VWA8: variants seen among roughly 807,000 people sequenced by gnomAD.
VWA8 encodes von Willebrand factor A domain-containing protein 8.
In VWA8, 221 loss-of-function variants were observed where a neutral mutation model predicts 241.5. The ratio of observed to expected loss-of-function variants is 0.91; its 90% CI spans 0.82 to 1.02. The LOEUF is 1.02. Among genes scored for constraint, VWA8 ranks in the 50% least tolerant of loss-of-function variants. The probability of loss-of-function intolerance (pLI) is 0.00; values close to 1 mark genes in which losing one functional copy is unlikely to be tolerated. For synonymous variants in VWA8, 852 were observed against 827.1 expected, an observed-to-expected ratio of 1.03 and a Z score of -0.52; for missense variants, 2,322 against 2,328.7, an observed-to-expected ratio of 1.00 and a Z score of 0.06.
At chr13:41,587,784 C>A in intron 41 of VWA8, 114 bp from the exon 42 acceptor site, 1 of 1,290,912 alleles carries the variant, frequency 7.7e-7, no homozygotes. Flanking sequence ...GGCAGACCAG[C>A]CATAGGCTCA....
At chr13:41,826,093 T>C (rs974512189) in intron 14 of VWA8, among the ~76,000 whole-genome samples, 5 of 152,148 alleles carry the variant, frequency 3.3e-5, no homozygotes, top group African/African-American at 1.2e-4. Context: ...ATATTTATTT[T>C]CAGAAAGACA....
At position 41,810,445 on chromosome 13, in the gene VWA8, AGAAT is replaced by A. The variant is rs1237383542; in HGVS notation, c.2063+776_2063+779del. The stretch of plus-strand genomic sequence containing the variant: ...ATAGAGTACTGTTCAGCCATAAAAA[AGAAT>A]GAATGAAGTTCTGTCATTTGCAACA... On this transcript the variant is annotated intron_variant, in intron 17 of 44. Transcript: ENST00000379310. Among the ~76,000 whole-genome samples the A allele has an allele frequency of 3.3e-5, 5 of 152,326 alleles. No individual in the cohort carries two copies. In the East Asian group the frequency reaches 5.8e-4, roughly 18 times the overall value.
At chr13:41,844,837 A>C (rs1357881423) in intron 12 of VWA8, among the ~76,000 whole-genome samples, 4 of 152,178 alleles carry the variant, frequency 2.6e-5, no homozygotes, top group Non-Finnish European at 5.9e-5. Flanking sequence ...AATACATGTA[A>C]AAAAGGAGGT....
intron 2 of VWA8, among the ~76,000 whole-genome samples, chr13:41,947,038 A>T (rs1203383584): frequency 6.6e-6 from 1 of 152,152 alleles, no homozygotes; most frequent in African/African-American, 2.4e-5. Context: ...GCTTAGCCAG[A>T]ATCTCCCTTA....
intron 14 of VWA8, among the ~76,000 whole-genome samples, chr13:41,828,746 T>C (rs1871288922): frequency 6.6e-6 from 1 of 152,176 alleles, no homozygotes; most frequent in African/African-American, 2.4e-5. Flanking sequence ...ATGCATCTCA[T>C]AAGAATAGGA....
intron 17 of VWA8, among the ~76,000 whole-genome samples, chr13:41,800,652 G>A (rs1002392333): frequency 6.6e-6 from 1 of 151,726 alleles, no homozygotes; most frequent in Non-Finnish European, 1.5e-5. Flanking sequence ...AATCAGCCGG[G>A]TGTGGTGATG....
At chr13:41,655,636 CTAT>C (rs1443744101) in intron 37 of VWA8, among the ~76,000 whole-genome samples, 1 of 151,640 alleles carries the variant, frequency 6.6e-6, no homozygotes, top group Non-Finnish European at 1.5e-5. Flanking sequence ...GTTTTTTTTC[CTAT>C]TATTTTTATC....
Position 41,894,958 on chromosome 13 carries a change from TG to T in VWA8, c.484-3372del, listed in dbSNP as rs1875024853. 2.6e-5 allele frequency among the ~76,000 whole-genome samples: 4 copies of T among 152,124 alleles called. No individual in the cohort carries two copies. In the South Asian group the frequency reaches 8.3e-4, roughly 32 times the overall value. On this transcript the variant is annotated intron_variant, in intron 4 of 44. Coordinates refer to ENST00000379310, the MANE Select transcript of VWA8 (RefSeq NM_015058.2). ...TGAGGAGGAAAAAGGAGATGGCTGC[TG>T]CAGGGACTTGGTTGGGGACCGTGTG...
chr13:41,851,802 C>T (rs1277850938), intron 12 of VWA8, among the ~76,000 whole-genome samples: 2 of 152,162 alleles, frequency 1.3e-5, no homozygotes, highest in African/African-American at 4.8e-5. Context: ...ATAATTCATT[C>T]TGTATATACT....
chr13:41,581,961 T>C (rs912305388), intron 42 of VWA8, among the ~76,000 whole-genome samples: 15 of 152,172 alleles, frequency 9.9e-5, no homozygotes, highest in Admixed American at 5.9e-4. Flanking sequence ...AGACAACGGT[T>C]CACAAAAACA....
At chr13:41,729,798 G>GACACACACACATACACACACAC (rs2045467213) in intron 22 of VWA8, 121 bp from the exon 23 acceptor site, 1 of 425,970 alleles carries the variant, frequency 2.3e-6, no homozygotes, top group Non-Finnish European at 4.2e-6. Context: ...TATACACGTA[G>GACACACACACATACACACACAC]ACACACACAC....
At chr13:41,653,330 C>G (rs1456665171) in intron 37 of VWA8, among the ~76,000 whole-genome samples, 3 of 152,024 alleles carry the variant, frequency 2.0e-5, no homozygotes, top group Non-Finnish European at 1.5e-5. Flanking sequence ...AATAAAATAC[C>G]TAAGAATACA....
intron 29 of VWA8, chr13:41,695,944 TGTAAATTTGACA>T (rs1347223858): frequency 6.6e-6 from 1 of 152,248 alleles, no homozygotes; most frequent in Non-Finnish European, 1.5e-5. Context: ...AATTTGTGTA[TGTAAATTTGACA>T]GTTAATTTGA....
chr13:41,619,502 C>T (rs1434468869), intron 37 of VWA8, among the ~76,000 whole-genome samples: 2 of 152,192 alleles, frequency 1.3e-5, no homozygotes. Context: ...ACTTCCAACA[C>T]TATGTTGAAT....
intron 17 of VWA8, among the ~76,000 whole-genome samples, chr13:41,788,985 A>G (rs561099671): frequency 7.9e-5 from 12 of 152,250 alleles, no homozygotes; most frequent in Non-Finnish European, 1.5e-4. Context: ...CCCTTCACCA[A>G]TATTGGCAGG....
chr13:41,586,899 C>G (rs1002191535), intron 42 of VWA8, among the ~76,000 whole-genome samples: 1 of 152,132 alleles, frequency 6.6e-6, no homozygotes, highest in Non-Finnish European at 1.5e-5. Flanking sequence ...AGTGCAGGTG[C>G]TCTCTGTGGC....
Position 41,605,174 on chromosome 13 carries a change from A to T in VWA8, c.4980T>A (p.Asn1660Lys). 1 of 1,612,898 alleles carries T rather than the reference A, an allele frequency of 6.2e-7. No individual in the cohort carries two copies. Among genetic ancestry groups the T allele is most frequent in the Non-Finnish European group, 8.5e-7 (1 of 1,179,200 alleles). ...TCCATAAGTAGAAGATTACCTGTAAATTATCCAGGATGATTCGGAGGGAGT... is the reference window on the plus strand; with the variant it reads ...TCCATAAGTAGAAGATTACCTGTAATTTATCCAGGATGATTCGGAGGGAGT... ...QVHSLRIILD[N>K]LQAKGKERQW... is the part of the protein sequence containing the mutation. Residue 1660 changes from asparagine to lysine, a missense_variant, in exon 40 of 45, where the codon AAT (asparagine) becomes AAA (lysine). By Grantham distance (94) the Asn-to-Lys change is moderately conservative (BLOSUM62 0). Coordinates refer to ENST00000379310, the MANE Select transcript of VWA8 (RefSeq NM_015058.2).
intron 21 of VWA8, among the ~76,000 whole-genome samples, chr13:41,757,681 G>C (rs936795488): frequency 3.3e-5 from 5 of 151,588 alleles, no homozygotes; most frequent in African/African-American, 9.7e-5. Context: ...ACTTATAAGA[G>C]AGAACATGTA....
rs2045166151 is a variant in VWA8 at position 41,690,179 on chromosome 13, A to G, written c.3963T>C (p.Phe1321=). 1 of 1,612,238 alleles carries G rather than the reference A, an allele frequency of 6.2e-7. No individual in the cohort carries two copies. The highest frequency in any genetic ancestry group is 1.1e-5 in the South Asian group (1 of 91,026). The change falls in exon 33 of 45, where the codon TTT becomes TTC. Residue 1321 remains phenylalanine, a synonymous_variant. Coordinates refer to ENST00000379310, the MANE Select transcript of VWA8 (RefSeq NM_015058.2). ...CATAGTATTTACCTTGTGTAACTCC[A>G]AACCCTGTGCTGGGCGGCTCCTCTT... ...VLKEEPPSTG[F]GVTQETEFSI...
Sources: allele counts gnomAD v4.1 joint callset (sites outside exome capture counted in the v4.1 genomes callset), GRCh38; gene constraint gnomAD v4.1.1; transcripts MANE v1.5; gene names NCBI Gene and HGNC (gene_info 2026-07-23, HGNC 2026-07-21).